Variants in ADPRHL1 observed in about 807,000 individuals in gnomAD.
ADPRHL1 encodes inactive ADP-ribosyltransferase ARH2.
ADPRHL1 carries 43 observed loss-of-function variants against 44.1 expected under a neutral mutation model. The observed-to-expected ratio is 0.98, with a 90% CI of 0.76 to 1.26. The LOEUF is 1.26. Ranked by LOEUF, ADPRHL1 falls within the 50% of genes most tolerant of loss-of-function variation. The pLI is 0.00. For synonymous variants in ADPRHL1, 878 were observed against 1,017.4 expected (o/e 0.86, Z 2.61); for missense variants, 2,022 against 2,496.9 (o/e 0.81, Z 4.05).
intron 7 of ADPRHL1, among the ~76,000 whole-genome samples, chr13:113,416,773 C>G (rs921541371): frequency 1.3e-5 from 2 of 152,208 alleles, no homozygotes; most frequent in Non-Finnish European, 2.9e-5. Context: ...TTTGAATAAG[C>G]AAACAGTGGT....
Position 113,407,041 on chromosome 13 carries a change from G to T in ADPRHL1, c.2241C>A (p.Thr747=). Residue 747 remains threonine, a synonymous_variant, in exon 8 of 8, where the codon ACC becomes ACA. Transcript: ENST00000612156. ...SAGGDGTADP[T]AESTAGGVQE... is the part of the protein sequence containing the mutation. ...GGACGCCTCCTGCGGTGCTCTCTGC[G>T]GTGGGGTCTGCAGTCCCATCACCTC... is the stretch of plus-strand genomic sequence containing the variant. 8.1e-7 allele frequency: 1 copy of T among 1,232,232 alleles called. No individual in the cohort carries two copies. Among genetic ancestry groups the T allele is most frequent in the Non-Finnish European group, 1.0e-6 (1 of 988,046 alleles). 76.3% of individuals were successfully genotyped at this position (1,232,232 alleles called of 1,614,324 possible). A position where few individuals can be genotyped will look rare whatever the true frequency, so the allele number is the denominator to read the frequency against.
chr13:113,423,769 CCA>C (rs1477524786), intron 6 of ADPRHL1, among the ~76,000 whole-genome samples: 1 of 152,246 alleles, frequency 6.6e-6, no homozygotes, highest in Non-Finnish European at 1.5e-5. Flanking sequence ...TAACTCCAGG[CCA>C]CAGTCTGCGA....
At position 113,405,082 on chromosome 13, in the gene ADPRHL1, C is replaced by T. The variant is rs181300110; in HGVS notation, c.4200G>A (p.Ala1400=). Reference sequence around the variant, plus strand: ...TCAGCACAACCTTCGAGCCCGACGGCGCCACCCTCTTCCCCGCATCCCCGG... The same window carrying T: ...TCAGCACAACCTTCGAGCCCGACGGTGCCACCCTCTTCCCCGCATCCCCGG... The part of the protein sequence containing the change: ...PQPGDAGKRV[A]PSGSKVVLNP... Residue 1400 remains alanine, a synonymous_variant, in exon 8 of 8, where the codon GCG becomes GCA. Transcript: ENST00000612156. 5.7e-4 allele frequency: 697 copies of T among 1,232,240 alleles called. 5 individuals carry two copies. The African/African-American group carries it at 0.01, about 18-fold the overall frequency. 76.3% of individuals were successfully genotyped at this position (1,232,240 alleles called of 1,614,324 possible).
At chr13:113,450,376 A>G (rs910337839) in intron 1 of ADPRHL1, among the ~76,000 whole-genome samples, 20 of 152,218 alleles carry the variant, frequency 1.3e-4, no homozygotes, top group Admixed American at 4.6e-4. Context: ...TGTAGGGACC[A>G]GCCCCACAGG....
rs887278220 is a variant in ADPRHL1 at position 113,409,043 on chromosome 13, A to G, written c.1062-823T>C. Among the ~76,000 whole-genome samples, 8 of 152,214 alleles carry G rather than the reference A, an allele frequency of 5.3e-5. No individual in the cohort carries two copies. The highest frequency in any genetic ancestry group is 1.2e-4 in the Non-Finnish European group (8 of 68,032). ...CGGAACCCCTTTCAAAATGGCTTAG[A>G]GGAGCCACTGAGGCTGGGGGCTGCC... On this transcript the variant is annotated intron_variant, in intron 7 of 7. Transcript: ENST00000612156. The surrounding 1 kb of genome is among the most constrained non-coding windows in gnomAD (Gnocchi z 4.2).
At chr13:113,452,494 T>C (rs1008391369) in intron 1 of ADPRHL1, among the ~76,000 whole-genome samples, 2 of 152,178 alleles carry the variant, frequency 1.3e-5, no homozygotes, top group Admixed American at 1.3e-4. Flanking sequence ...ACCCACGGGG[T>C]TTTGAAGAGC....
rs961616045 is a variant in ADPRHL1, at chr13:113,441,529, T to C, written c.379+2896A>G. Among the ~76,000 whole-genome samples, 5 of 152,172 alleles carry C rather than the reference T, an allele frequency of 3.3e-5. No homozygotes were observed. The highest frequency in any genetic ancestry group is 4.8e-5 in the African/African-American group (2 of 41,424). Reference sequence around the variant, plus strand: ...AACCTCACCGTCATCGGCTTCCATCTCTCCCCTGCTAGCCTTCGTGCTATT... The same window carrying C: ...AACCTCACCGTCATCGGCTTCCATCCCTCCCCTGCTAGCCTTCGTGCTATT... On this transcript the variant is annotated intron_variant, in intron 2 of 7. Transcript: ENST00000612156. The surrounding 1 kb of genome is among the most constrained non-coding windows in gnomAD (Gnocchi z 6.0).
chr13:113,414,583 CTT>C (rs1479373787), intron 7 of ADPRHL1, among the ~76,000 whole-genome samples: 1 of 152,112 alleles, frequency 6.6e-6, no homozygotes, highest in Non-Finnish European at 1.5e-5. Context: ...TGGAACTGCT[CTT>C]GTCGCTGTGG....
intron 4 of ADPRHL1, among the ~76,000 whole-genome samples, chr13:113,427,816 A>G (rs1010038059): frequency 6.6e-6 from 1 of 152,236 alleles, no homozygotes; most frequent in African/African-American, 2.4e-5. Flanking sequence ...CCATCAGCAC[A>G]GGCCTGGTGG....
rs545119795 is a variant in ADPRHL1, at chr13:113,409,838, G to A, written c.1062-1618C>T. On this transcript the variant is annotated intron_variant, in intron 7 of 7. Transcript: ENST00000612156. The surrounding 1 kb of genome is among the most constrained non-coding windows in gnomAD (Gnocchi z 4.2). ...CAGGAGGCAGAGCTTGCAGTGAGCCGAGATCGCACCACTGCACTCCAGCCT... is the reference window on the plus strand; with the variant it reads ...CAGGAGGCAGAGCTTGCAGTGAGCCAAGATCGCACCACTGCACTCCAGCCT... The A allele has an allele frequency of 3.6e-6, 3 of 823,972 alleles. No homozygotes were observed. Among genetic ancestry groups the A allele is most frequent in the Non-Finnish European group, 4.4e-6 (3 of 688,730 alleles). The allele number at this position is 823,972 out of a possible 1,614,324, so 51.0% of individuals were successfully genotyped here. A position where few individuals can be genotyped will look rare whatever the true frequency, so the allele number is the denominator to read the frequency against.
chr13:113,410,373 A>G (rs2043843292), intron 7 of ADPRHL1, among the ~76,000 whole-genome samples: 1 of 152,158 alleles, frequency 6.6e-6, no homozygotes, highest in African/African-American at 2.4e-5. Flanking sequence ...GGGAATCTGC[A>G]TTTTAACGAG....
chr13:113,437,014 G>T (rs1595552285), intron 2 of ADPRHL1, among the ~76,000 whole-genome samples: 1 of 145,564 alleles, frequency 6.9e-6, no homozygotes, highest in Non-Finnish European at 1.5e-5. Context: ...AGTGAGCATA[G>T]GTGTACCCTG....
In ADPRHL1 at chr13:113,406,592, C is replaced by T. The variant is rs944576228; in HGVS notation, c.2690G>A (p.Arg897Gln). Residue 897 changes from arginine (R) to glutamine (Q), a missense_variant, in exon 8 of 8, where the codon CGA becomes CAA. By Grantham distance (43) the Arg-to-Gln change is conservative. Coordinates refer to ENST00000612156, the MANE Select transcript of ADPRHL1 (RefSeq NM_001394807.1). The part of the protein sequence containing the change: ...PTVTENRRGH[R>Q]APVELSKLSG... ...AAGCTTGCTCAGTTCCACTGGGGCT[C>T]GGTGACCCCTTCTGTTCTCAGTCAC... The T allele has an allele frequency of 1.4e-5, 17 of 1,231,928 alleles. No homozygotes were observed. Among genetic ancestry groups the T allele is most frequent in the African/African-American group, 7.8e-5 (5 of 64,410 alleles). The allele number at this position is 1,231,928 out of a possible 1,614,324, so 76.3% of individuals were successfully genotyped here. A position where few individuals can be genotyped will look rare whatever the true frequency, so the allele number is the denominator to read the frequency against.
At chr13:113,420,096 T>A (rs1313376329) in intron 7 of ADPRHL1, among the ~76,000 whole-genome samples, 1 of 152,112 alleles carries the variant, frequency 6.6e-6, no homozygotes, top group East Asian at 1.9e-4. Flanking sequence ...TTTAACAGCA[T>A]TTGGATTCGC....
At position 113,441,151 on chromosome 13, in the gene ADPRHL1, T is replaced by C. The variant is rs957049583; in HGVS notation, c.379+3274A>G. ...CTGGGCGACAGAGCAAGACTCCATC[T>C]CAAAATTAAAAAGTTGTTTCTTATA... On this transcript the variant is annotated intron_variant, in intron 2 of 7. Coordinates refer to ENST00000612156, the MANE Select transcript of ADPRHL1 (RefSeq NM_001394807.1). This position sits in a 1 kb window ranked among gnomAD's most constrained non-coding sequence, Gnocchi z 6.0. Among the ~76,000 whole-genome samples the C allele has an allele frequency of 2.0e-5, 3 of 152,172 alleles. No homozygotes were observed. Among genetic ancestry groups the C allele is most frequent in the African/African-American group, 7.2e-5 (3 of 41,436 alleles).
At position 113,400,696 on chromosome 13, in the gene ADPRHL1, T is replaced by C. The variant is rs563841324; in HGVS notation, c.*2682A>G. 1.3e-5 allele frequency: 2 copies of C among 152,382 alleles called. No individual in the cohort carries two copies. Among genetic ancestry groups the C allele is most frequent in the Non-Finnish European group, 2.9e-5 (2 of 68,076 alleles). The allele number at this position is 152,382 out of a possible 1,614,324, so 9.4% of individuals were successfully genotyped here. ...CGTTCTCAAATCCTGGTGAAGTCAC[T>C]GGCAGTTTTTTCCTGCACACAGAGT... On this transcript the variant is annotated 3_prime_UTR_variant, in exon 8 of 8. Transcript: ENST00000612156.
rs934813458 is a variant in ADPRHL1, at chr13:113,400,125, GTTTTCTTTTC to G, written c.*3243_*3252del. 4 of 143,598 alleles carry G rather than the reference GTTTTCTTTTC, an allele frequency of 2.8e-5. No homozygotes were observed. The highest frequency in any genetic ancestry group is 2.3e-4 in the South Asian group (1 of 4,390). 8.9% of individuals were successfully genotyped at this position (143,598 alleles called of 1,614,324 possible). ...ACTAAGAAGCTAAAATAAATATCCT[GTTTTCTTTTC>G]TTTTCTTTTCTTCTTTTTTTTTTTT... On this transcript the variant is annotated 3_prime_UTR_variant, in exon 8 of 8. Transcript: ENST00000612156.
At position 113,400,196 on chromosome 13, in the gene ADPRHL1, A is replaced by T. The variant is rs895255883; in HGVS notation, c.*3182T>A. On this transcript the variant is annotated 3_prime_UTR_variant, in exon 8 of 8. Coordinates refer to ENST00000612156, the MANE Select transcript of ADPRHL1 (RefSeq NM_001394807.1). ...AGTCTCGCTCTGTCACCCAGGCTGG[A>T]GTGCAGTGGCGCAATCTCGGCTCAC... The T allele has an allele frequency of 2.2e-5, 3 of 137,210 alleles. No individual in the cohort carries two copies. The highest frequency in any genetic ancestry group is 5.5e-5 in the African/African-American group (2 of 36,198). The allele number at this position is 137,210 out of a possible 1,614,324, so 8.5% of individuals were successfully genotyped here.
chr13:113,418,987 C>A (rs889988975), intron 7 of ADPRHL1, among the ~76,000 whole-genome samples: 4 of 140,946 alleles, frequency 2.8e-5, no homozygotes, highest in African/African-American at 1.1e-4. Flanking sequence ...TCCTTCCCTC[C>A]CTCCCTCCCT....
Sources: gnomAD v4.1 joint callset for allele counts (sites outside exome capture counted in the v4.1 genomes callset) on GRCh38, gnomAD v4.1.1 for gene constraint, Gnocchi (gnomAD v3.1) non-coding constraint, MANE v1.5 for transcripts, NCBI Gene and HGNC (gene_info 2026-07-23, HGNC 2026-07-21) for gene names.